Variants in TMEM268 observed in about 807,000 individuals in gnomAD.
The protein encoded by TMEM268 is transmembrane protein 268, also known as transmembrane protein C9orf91.
TMEM268 carries 24 observed loss-of-function variants against 39.1 expected under a neutral mutation model. The ratio of observed to expected loss-of-function variants is 0.61; its 90% CI spans 0.44 to 0.86. TMEM268 has a LOEUF of 0.86. Among genes scored for constraint, TMEM268 ranks in the 40% least tolerant of loss-of-function variants. The pLI, the probability that TMEM268 is intolerant of heterozygous loss-of-function variation, is 0.00. For synonymous variants in TMEM268, 176 were observed against 173.5 expected, an observed-to-expected ratio of 1.01 and a Z score of -0.12; for missense variants, 409 against 428.6, an observed-to-expected ratio of 0.95 and a Z score of 0.40.
upstream of TMEM268, among the ~76,000 whole-genome samples, chr9:114,607,458 C>A (rs997619847): frequency 6.6e-6 from 1 of 152,066 alleles, no homozygotes; most frequent in Non-Finnish European, 1.5e-5. Flanking sequence ...GAGTTCGAGA[C>A]CAGCTTGGGC....
At chr9:114,613,749 T>G (rs1249512577) in intron 1 of TMEM268, among the ~76,000 whole-genome samples, 2 of 150,102 alleles carry the variant, frequency 1.3e-5, no homozygotes, top group Admixed American at 1.4e-4. Flanking sequence ...CACTCTTTTT[T>G]GTTTTGTTTT....
chr9:114,624,005 T>G (rs1424039792), intron 2 of TMEM268: 1 of 211,538 alleles, frequency 4.7e-6, no homozygotes, highest in Non-Finnish European at 9.6e-6. Context: ...ATGTAGTTTT[T>G]CAGTCTCTGT....
At chr9:114,619,678 T>A (rs1845869650) in intron 2 of TMEM268, among the ~76,000 whole-genome samples, 1 of 152,190 alleles carries the variant, frequency 6.6e-6, no homozygotes, top group East Asian at 1.9e-4. Flanking sequence ...TGCTTCTTGT[T>A]CTCACTTTCA....
At chr9:114,638,810 C>T in intron 8 of TMEM268, 84 bp downstream of exon 8, 1 of 1,035,960 alleles carries the variant, frequency 9.7e-7, no homozygotes, top group Non-Finnish European at 1.3e-6. Context: ...TTCTTAGATT[C>T]CCCAAGACAT....
At chr9:114,623,295 G>A (rs537086973) in intron 2 of TMEM268, among the ~76,000 whole-genome samples, 4 of 152,130 alleles carry the variant, frequency 2.6e-5, no homozygotes, top group East Asian at 3.9e-4. Flanking sequence ...TTACAGGCAC[G>A]TGCCACCACG....
intron 2 of TMEM268, among the ~76,000 whole-genome samples, chr9:114,621,817 G>A (rs558319433): frequency 7.9e-5 from 12 of 152,264 alleles, no homozygotes; most frequent in African/African-American, 2.4e-4. Flanking sequence ...GACATAGAAC[G>A]AGGCTGAGGG....
At chr9:114,627,197 C>T (rs900196844) in intron 4 of TMEM268, among the ~76,000 whole-genome samples, 191 bp downstream of exon 4, 6 of 152,082 alleles carry the variant, frequency 3.9e-5, no homozygotes, top group Non-Finnish European at 5.9e-5. Context: ...AGAGTTGTAA[C>T]CAGGTCGTTG....
chr9:114,634,220 G>C (rs1008560900), intron 6 of TMEM268, among the ~76,000 whole-genome samples: 1 of 152,206 alleles, frequency 6.6e-6, no homozygotes, highest in Non-Finnish European at 1.5e-5. Context: ...GCCCATGCAA[G>C]GTCCCTGTCC....
upstream of TMEM268, among the ~76,000 whole-genome samples, chr9:114,609,050 CT>C (rs1329734553): frequency 1.3e-5 from 2 of 152,196 alleles, no homozygotes; most frequent in Non-Finnish European, 2.9e-5. Flanking sequence ...TGGCTTACCC[CT>C]GTAATCCCAG....
In TMEM268 at chr9:114,645,718, T is replaced by C. The variant is rs1404878329; in HGVS notation, c.*2405T>C. 3 of 152,334 alleles carry C rather than the reference T, an allele frequency of 2.0e-5. No homozygotes were observed. The highest frequency in any genetic ancestry group is 7.2e-5 in the African/African-American group (3 of 41,472). The allele number at this position is 152,334 out of a possible 1,614,324, so 9.4% of individuals were successfully genotyped here. On this transcript the variant is annotated 3_prime_UTR_variant, in exon 9 of 9. Transcript: ENST00000288502. The stretch of plus-strand genomic sequence containing the variant: ...GCAGTTTTTCAATTGTAAGGTCTGC[T>C]TGAGAGCCTTTGATGTGTGTTTCTT...
At chr9:114,642,933 C>T (rs1170090609) in intron 8 of TMEM268, among the ~76,000 whole-genome samples, 1 of 152,146 alleles carries the variant, frequency 6.6e-6, no homozygotes, top group Non-Finnish European at 1.5e-5. Flanking sequence ...GCCCCACAGG[C>T]CATGAGTTGC....
chr9:114,641,274 A>T lies in TMEM268; in HGVS notation c.850-1860A>T, dbSNP rs551531020. Among the ~76,000 whole-genome samples, 3 of 152,280 alleles carry T rather than the reference A, an allele frequency of 2.0e-5. No individual in the cohort carries two copies. In the East Asian group the frequency reaches 5.8e-4, roughly 29 times the overall value. ...GAAATGGGCTCAGTAATGTGAAGTG[A>T]CTGCTCTGGGTTAGTCATAGAGTGG... On this transcript the variant is annotated intron_variant, in intron 8 of 8. Coordinates refer to ENST00000288502, the MANE Select transcript of TMEM268 (RefSeq NM_153045.4).
chr9:114,645,361 T>C lies in TMEM268; in HGVS notation c.*2048T>C, dbSNP rs1827533006. ...TTAACCTTTCTGATTGTCATTTCGC[T>C]TTTTAATAAAGTGGGTCTGGTGAAC... On this transcript the variant is annotated 3_prime_UTR_variant, in exon 9 of 9. Transcript: ENST00000288502. 1 of 152,364 alleles carries C rather than the reference T, an allele frequency of 6.6e-6. No homozygotes were observed. 9.4% of individuals were successfully genotyped at this position (152,364 alleles called of 1,614,324 possible). A position where few individuals can be genotyped will look rare whatever the true frequency, so the allele number is the denominator to read the frequency against.
chr9:114,628,188 A>G lies in TMEM268; in HGVS notation c.412A>G (p.Thr138Ala). ...GNHWAGMLLV[T>A]LAAVSLTLTL... ...CCACTGGGCTGGCATGCTGCTCGTG[A>G]CCCTGGCCGCGGTGAGCCTGACCTT... Residue 138 changes from threonine (T) to alanine (A), a missense_variant, in exon 5 of 9, where the codon ACC (threonine) becomes GCC (alanine). Physicochemically the swap from Thr to Ala is moderately conservative, Grantham distance 58 (BLOSUM62 0). Coordinates refer to ENST00000288502, the MANE Select transcript of TMEM268 (RefSeq NM_153045.4). 1 of 1,614,082 alleles carries G rather than the reference A, an allele frequency of 6.2e-7. No individual in the cohort carries two copies. Among genetic ancestry groups the G allele is most frequent in the Non-Finnish European group, 8.5e-7 (1 of 1,180,030 alleles).
chr9:114,622,952 T>C lies in TMEM268; in HGVS notation c.107-1398T>C, dbSNP rs192471323. On this transcript the variant is annotated intron_variant, in intron 2 of 8. Transcript: ENST00000288502. ...CTGAAATACAAAAATTAGCCAGGCA[T>C]GGTGGTGCATGCCTGTAATCCCAGC... 4.2e-3 allele frequency among the ~76,000 whole-genome samples: 643 copies of C among 151,974 alleles called. 2 individuals carry two copies. The highest frequency in any genetic ancestry group is 6.0e-3 in the Non-Finnish European group (406 of 67,984).
chr9:114,629,647 A>C (rs1846306202), intron 5 of TMEM268, among the ~76,000 whole-genome samples: 7 of 152,204 alleles, frequency 4.6e-5, no homozygotes, highest in Admixed American at 4.6e-4. Flanking sequence ...TTTCTCTGCT[A>C]CCACACCTAT....
chr9:114,642,506 C>T (rs1471347321), intron 8 of TMEM268, among the ~76,000 whole-genome samples: 2 of 152,138 alleles, frequency 1.3e-5, no homozygotes, highest in Non-Finnish European at 2.9e-5. Context: ...CCCACCTCCA[C>T]ATTTAACTAG....
Position 114,628,088 on chromosome 9 carries a change from TG to T in TMEM268, c.325-11del. ...GAAGTTCCTGACCATGCTCTCTGTCTGGCATCTTGCAGGTTTTCTATGTGGT... is the reference window on the plus strand; with the variant it reads ...GAAGTTCCTGACCATGCTCTCTGTCTGCATCTTGCAGGTTTTCTATGTGGT... On this transcript the variant is annotated splice_polypyrimidine_tract_variant and intron_variant, in intron 4 of 8. Transcript: ENST00000288502. The T allele has an allele frequency of 1.9e-6, 3 of 1,612,310 alleles. No individual in the cohort carries two copies. The highest frequency in any genetic ancestry group is 2.5e-6 in the Non-Finnish European group (3 of 1,178,354).
upstream of TMEM268, among the ~76,000 whole-genome samples, chr9:114,606,436 C>A (rs927682582): frequency 6.6e-6 from 1 of 152,142 alleles, no homozygotes; most frequent in Non-Finnish European, 1.5e-5. Flanking sequence ...TAGTGGAGTC[C>A]GTCATTTGAG....
Sources: allele counts gnomAD v4.1 joint callset (sites outside exome capture counted in the v4.1 genomes callset), GRCh38; gene constraint gnomAD v4.1.1; transcripts MANE v1.5; gene names NCBI Gene and HGNC (gene_info 2026-07-23, HGNC 2026-07-21).